The following ADAM12 variants were observed in gnomAD, a reference collection of about 807,000 sequenced individuals.
ADAM12 encodes disintegrin and metalloproteinase domain-containing protein 12.
ADAM12 carries 70 observed loss-of-function variants against 106.4 expected under a neutral mutation model. That is an observed-to-expected ratio of 0.66 (90% confidence interval 0.54 to 0.80). The LOEUF is 0.80. Ranked by LOEUF, ADAM12 falls within the 30% of genes least tolerant of loss-of-function variation. The pLI, the probability that ADAM12 is intolerant of heterozygous loss-of-function variation, is 0.00. For missense variants in ADAM12, 1,010 were observed against 1,171.9 expected (o/e 0.86, Z 2.02); for synonymous variants, 420 against 433.5 (o/e 0.97, Z 0.39).
chr10:126,180,744 C>T (rs982700586), intron 3 of ADAM12, among the ~76,000 whole-genome samples: 2 of 152,140 alleles, frequency 1.3e-5, no homozygotes, highest in African/African-American at 2.4e-5. Flanking sequence ...AACCTTATCA[C>T]GTACAAAGAA....
At chr10:126,294,320 T>C (rs377544514) in intron 2 of ADAM12, among the ~76,000 whole-genome samples, 4 of 152,166 alleles carry the variant, frequency 2.6e-5, no homozygotes, top group Non-Finnish European at 4.4e-5. Flanking sequence ...CAGACCAAAA[T>C]AGAAAATGTA....
At chr10:126,057,542 A>C (rs976467675) in intron 14 of ADAM12, among the ~76,000 whole-genome samples, 1 of 152,120 alleles carries the variant, frequency 6.6e-6, no homozygotes, top group Admixed American at 6.5e-5. Context: ...ACTTCTAAGG[A>C]CGCAGCGGCC....
intron 1 of ADAM12, among the ~76,000 whole-genome samples, chr10:126,345,224 T>C (rs1855091468): frequency 6.6e-6 from 1 of 152,226 alleles, no homozygotes; most frequent in Non-Finnish European, 1.5e-5. Flanking sequence ...TTGAGAGTTT[T>C]TAGCATGAAG....
At chr10:126,099,373 C>CCTCT (rs982462193) in intron 9 of ADAM12, among the ~76,000 whole-genome samples, 2 of 151,126 alleles carry the variant, frequency 1.3e-5, no homozygotes, top group Non-Finnish European at 3.0e-5. Context: ...TCCCTCCCTC[C>CCTCT]CTCTCTCCCT....
chr10:126,229,598 T>G, intron 3 of ADAM12, among the ~76,000 whole-genome samples: 1 of 149,954 alleles, frequency 6.7e-6, no homozygotes. Context: ...TACATGTGCA[T>G]TCTCTCCCTC....
intron 1 of ADAM12, among the ~76,000 whole-genome samples, chr10:126,375,983 C>A (rs992866638): frequency 1.3e-5 from 2 of 150,704 alleles, no homozygotes; most frequent in African/African-American, 4.9e-5. Flanking sequence ...TCAAGTAATC[C>A]CCCCTCCCCA....
At chr10:126,178,988 G>A (rs552210198) in intron 3 of ADAM12, among the ~76,000 whole-genome samples, 2 of 152,008 alleles carry the variant, frequency 1.3e-5, no homozygotes, top group East Asian at 1.9e-4. Context: ...CGGAGGCTGC[G>A]GTGAGCCAAG....
At chr10:126,302,358 T>C (rs1960661655) in intron 2 of ADAM12, among the ~76,000 whole-genome samples, 1 of 152,230 alleles carries the variant, frequency 6.6e-6, no homozygotes, top group South Asian at 2.1e-4. Flanking sequence ...GTTCCTTTTG[T>C]GTGTGATCTC....
At chr10:126,021,432 A>G (rs905841304) in intron 21 of ADAM12, among the ~76,000 whole-genome samples, 1 of 152,224 alleles carries the variant, frequency 6.6e-6, no homozygotes. Context: ...ATCTTTGTAA[A>G]GCAAAGGAAG....
intron 2 of ADAM12, among the ~76,000 whole-genome samples, chr10:126,311,360 A>T (rs1468110793): frequency 1.3e-5 from 2 of 152,240 alleles, no homozygotes; most frequent in Admixed American, 6.5e-5. Context: ...ATTATAAAAA[A>T]GTAGCACAGT....
chr10:126,039,569 AACTGTCTT>A, intron 18 of ADAM12, 140 bp from the exon 19 acceptor site: 1 of 1,002,910 alleles, frequency 1.0e-6, no homozygotes, highest in Non-Finnish European at 1.5e-6. Context: ...TGTACTAATA[AACTGTCTT>A]ACTTCAGATG....
intron 3 of ADAM12, among the ~76,000 whole-genome samples, chr10:126,266,612 A>G (rs532162318): frequency 2.0e-5 from 3 of 152,286 alleles, no homozygotes; most frequent in East Asian, 3.9e-4. Context: ...GCACTGTTAC[A>G]AAGAAATGCC....
chr10:126,073,899 T>A (rs1305408232), intron 11 of ADAM12, among the ~76,000 whole-genome samples: 1 of 152,210 alleles, frequency 6.6e-6, no homozygotes, highest in South Asian at 2.1e-4. Flanking sequence ...AAAATGATAA[T>A]GTTTTTGCAA....
intron 10 of ADAM12, among the ~76,000 whole-genome samples, chr10:126,095,912 AGAGCACACT>A (rs1955549846): frequency 6.6e-6 from 1 of 152,218 alleles, no homozygotes; most frequent in African/African-American, 2.4e-5. Context: ...TGAATTTCAG[AGAGCACACT>A]GATACAGTCT....
In ADAM12 at chr10:126,173,988, T is replaced by C. The variant is rs923371837; in HGVS notation, c.261-18683A>G. ...CATATATATGCCTATACACCTTTTA[T>C]CCAGATTCATCTGTTGTTGATTTTT... On this transcript the variant is annotated intron_variant, in intron 3 of 22. Coordinates refer to ENST00000448723, the MANE Select transcript of ADAM12 (RefSeq NM_001288973.2). Among the ~76,000 whole-genome samples, 3 of 149,932 alleles carry C rather than the reference T, an allele frequency of 2.0e-5. No homozygotes were observed. In the East Asian group the frequency reaches 5.8e-4, roughly 29 times the overall value.
intron 3 of ADAM12, among the ~76,000 whole-genome samples, chr10:126,241,151 C>T (rs1187525607): frequency 6.6e-6 from 1 of 152,162 alleles, no homozygotes; most frequent in African/African-American, 2.4e-5. Context: ...TGCACGGACA[C>T]CAGATGTCTA....
intron 1 of ADAM12, among the ~76,000 whole-genome samples, chr10:126,359,143 C>G (rs926282753): frequency 1.3e-5 from 2 of 152,128 alleles, no homozygotes; most frequent in African/African-American, 4.8e-5. Flanking sequence ...TGGGAATGAC[C>G]TGCACCCATG....
intron 3 of ADAM12, among the ~76,000 whole-genome samples, chr10:126,255,345 C>T (rs1020424127): frequency 6.6e-6 from 1 of 152,128 alleles, no homozygotes; most frequent in Non-Finnish European, 1.5e-5. Context: ...CAAAAAGAAG[C>T]CTCAGGTGTG....
rs11392876 is a variant in ADAM12, at chr10:126,024,851, C to CAA, written c.2530-5028_2530-5027dup. Among the ~76,000 whole-genome samples the CAA allele has an allele frequency of 6.8e-3, 994 of 146,134 alleles. 8 individuals are homozygous for CAA. The highest frequency in any genetic ancestry group is 0.017 in the African/African-American group (691 of 39,650). On this transcript the variant is annotated intron_variant, in intron 21 of 22. Coordinates refer to ENST00000448723, the MANE Select transcript of ADAM12 (RefSeq NM_001288973.2). ...AGGAAACAAATAGACACATGGAGAA[C>CAA]AAAAAAAAAAAGCAGGGTGAGGCAA...
Sources: allele counts gnomAD v4.1 joint callset (sites outside exome capture counted in the v4.1 genomes callset), GRCh38; gene constraint gnomAD v4.1.1; transcripts MANE v1.5; gene names NCBI Gene and HGNC (gene_info 2026-07-23, HGNC 2026-07-21).